Variants in STAG1 observed in about 807,000 individuals in gnomAD.
STAG1 encodes the protein cohesin subunit SA-1.
In STAG1, 26 loss-of-function variants were observed where a neutral mutation model predicts 170.9. The observed-to-expected ratio is 0.15, with a 90% CI of 0.11 to 0.21. STAG1 has a LOEUF of 0.21. Ranked by LOEUF, STAG1 falls within the 10% of genes least tolerant of loss-of-function variation. The probability of loss-of-function intolerance (pLI) is 1.00; values close to 1 mark genes in which losing one functional copy is unlikely to be tolerated. For synonymous variants in STAG1, 514 were observed against 497.7 expected (o/e 1.03, Z -0.44); for missense variants, 964 against 1,509.5 (o/e 0.64, Z 5.99).
At chr3:136,441,361 T>C (rs993000651) in intron 15 of STAG1, among the ~76,000 whole-genome samples, 1 of 152,134 alleles carries the variant, frequency 6.6e-6, no homozygotes, top group Admixed American at 6.6e-5. Flanking sequence ...AAGGATATCA[T>C]GGAGTGAAAG....
Position 136,527,642 on chromosome 3 carries a change from T to C in STAG1, c.472-6225A>G, listed in dbSNP as rs943968519. Among the ~76,000 whole-genome samples, 6 of 152,190 alleles carry C rather than the reference T, an allele frequency of 3.9e-5. No individual in the cohort carries two copies. The South Asian group carries it at 1.0e-3, about 26-fold the overall frequency. On this transcript the variant is annotated intron_variant, in intron 6 of 33. Transcript: ENST00000383202. ...GTTACTGACGAGGAGCTGTGTTCCT[T>C]TGGAGGGGGAGAGGCAATCTGATTT...
Position 136,464,928 on chromosome 3 carries a change from C to A in STAG1, c.1266G>T (p.Ser422=). 1.2e-6 allele frequency: 2 copies of A among 1,612,664 alleles called. No individual in the cohort carries two copies. The highest frequency in any genetic ancestry group is 1.7e-6 in the Non-Finnish European group (2 of 1,179,426). Reference sequence around the variant, plus strand: ...CTGCCACAGCAACAGGGCGATGTGCCGAGTACACCAAGTGGTAAACATTTT... The same window carrying A: ...CTGCCACAGCAACAGGGCGATGTGCAGAGTACACCAAGTGGTAAACATTTT... The part of the protein sequence containing the change: ...DCENVYHLVY[S]AHRPVAVAAG... Residue 422 remains serine (S), a synonymous_variant, in exon 13 of 34, where the codon TCG becomes TCT. Transcript: ENST00000383202.
intron 1 of STAG1, among the ~76,000 whole-genome samples, chr3:136,700,768 GA>G (rs1334465972): frequency 1.3e-5 from 2 of 150,640 alleles, no homozygotes; most frequent in Non-Finnish European, 2.9e-5. Context: ...CTGAAAATAT[GA>G]ATCAACGATC....
intron 15 of STAG1, among the ~76,000 whole-genome samples, chr3:136,442,459 A>G (rs1261103119): frequency 1.3e-5 from 2 of 152,244 alleles, no homozygotes; most frequent in African/African-American, 4.8e-5. Flanking sequence ...TTTGCTGTGC[A>G]TATTATTAAG....
chr3:136,375,918 G>A (rs1299794468), intron 23 of STAG1, among the ~76,000 whole-genome samples: 43 of 150,626 alleles, frequency 2.9e-4, no homozygotes, highest in Middle Eastern at 3.4e-3. Context: ...GCAGTGAGCC[G>A]AGATCACGCC....
chr3:136,630,366 A>G (rs753077831), intron 2 of STAG1, among the ~76,000 whole-genome samples: 1 of 150,648 alleles, frequency 6.6e-6, no homozygotes, highest in Non-Finnish European at 1.5e-5. Context: ...ATAATAAAAG[A>G]GCTGGAAGTG....
chr3:136,700,439 G>C (rs1025950259), intron 1 of STAG1, among the ~76,000 whole-genome samples: 5 of 144,432 alleles, frequency 3.5e-5, no homozygotes, highest in Non-Finnish European at 7.5e-5. Context: ...TTTTATTTGA[G>C]ACAGAATTTC....
At chr3:136,548,330 T>C (rs1206142785) in intron 5 of STAG1, among the ~76,000 whole-genome samples, 1 of 152,080 alleles carries the variant, frequency 6.6e-6, no homozygotes, top group Non-Finnish European at 1.5e-5. Context: ...CCCAGGCTGG[T>C]CTCAAACTCA....
chr3:136,490,265 T>C (rs2090099047), intron 9 of STAG1, among the ~76,000 whole-genome samples: 1 of 152,158 alleles, frequency 6.6e-6, no homozygotes, highest in Non-Finnish European at 1.5e-5. Flanking sequence ...GGTCTCGAAC[T>C]CCTGACCTCA....
intron 5 of STAG1, among the ~76,000 whole-genome samples, chr3:136,551,597 T>G (rs1326893697): frequency 6.6e-6 from 1 of 150,554 alleles, no homozygotes; most frequent in South Asian, 2.1e-4. Flanking sequence ...AATTTCTGAA[T>G]AGTTCATGTG....
chr3:136,676,883 C>T (rs1942143467), intron 1 of STAG1, among the ~76,000 whole-genome samples: 1 of 151,540 alleles, frequency 6.6e-6, no homozygotes, highest in African/African-American at 2.4e-5. Flanking sequence ...TTAAACTGTG[C>T]CTTAAAAACT....
At chr3:136,487,839 A>T (rs2090047518) in intron 9 of STAG1, among the ~76,000 whole-genome samples, 2 of 152,202 alleles carry the variant, frequency 1.3e-5, no homozygotes, top group Non-Finnish European at 2.9e-5. Context: ...CCTGAGGCTA[A>T]GTGACTGTTT....
chr3:136,418,360 C>CAAAAAAAAAAAAAAAAAAAAA (rs767401141), intron 20 of STAG1, among the ~76,000 whole-genome samples: 5 of 49,762 alleles, frequency 1.0e-4, no homozygotes, highest in South Asian at 8.0e-4. Flanking sequence ...ACTCTGTCTC[C>CAAAAAAAAAAAAAAAAAAAAA]AAAAAAAAAA....
intron 22 of STAG1, among the ~76,000 whole-genome samples, chr3:136,384,630 C>T (rs1017308196): frequency 2.0e-5 from 3 of 151,870 alleles, no homozygotes; most frequent in African/African-American, 7.3e-5. Flanking sequence ...ATTAGCCAGA[C>T]GTGATGGCAT....
rs376277487 is a variant in STAG1 at position 136,748,458 on chromosome 3, G to A, written c.-84+3737C>T. 6.5e-4 allele frequency among the ~76,000 whole-genome samples: 99 copies of A among 151,800 alleles called. 1 individual carries two copies. The South Asian group carries it at 0.019, about 30-fold the overall frequency. ...GTCACCCAGGCTGGAGTGCAGTGGCGTGATCCCAGCTCACTGCAAGCTCCG... is the reference window on the plus strand; with the variant it reads ...GTCACCCAGGCTGGAGTGCAGTGGCATGATCCCAGCTCACTGCAAGCTCCG... On this transcript the variant is annotated intron_variant, in intron 1 of 33. Transcript: ENST00000383202.
intron 1 of STAG1, among the ~76,000 whole-genome samples, chr3:136,671,325 G>A (rs1008054986): frequency 6.6e-5 from 10 of 151,796 alleles, no homozygotes; most frequent in Admixed American, 2.0e-4. Flanking sequence ...AAAATCATAC[G>A]TGCCATATAG....
In STAG1 at chr3:136,338,387, T is replaced by C. The variant is rs1339149421; in HGVS notation, c.3736A>G (p.Ile1246Val). The C allele has an allele frequency of 2.5e-6, 4 of 1,613,378 alleles. No individual in the cohort carries two copies. The highest frequency in any genetic ancestry group is 3.4e-6 in the Non-Finnish European group (4 of 1,179,418). ...LRPDFFDSAAIIEDDSGFGMP... is the reference protein window; with the variant it reads ...LRPDFFDSAAVIEDDSGFGMP... Reference sequence around the variant, plus strand: ...ACATTTACTGAATCATCTTCTATGATAGCTGCAGAGTCAAAGAAGTCTGGC... The same window carrying C: ...ACATTTACTGAATCATCTTCTATGACAGCTGCAGAGTCAAAGAAGTCTGGC... Residue 1246 changes from isoleucine (I) to valine (V), a missense_variant, in exon 33 of 34, where the codon ATC (isoleucine) becomes GTC (valine). By Grantham distance (29) the Ile-to-Val change is conservative. Around this residue, in one of 11 missense-constraint regions of STAG1, gnomAD observed 59 missense variants for 104.2 expected, o/e 0.57. Transcript: ENST00000383202.
At chr3:136,695,449 A>G (rs1053025814) in intron 1 of STAG1, among the ~76,000 whole-genome samples, 11 of 152,070 alleles carry the variant, frequency 7.2e-5, no homozygotes, top group South Asian at 6.2e-4. Context: ...AAAAAAAAAA[A>G]AGAGAGAGAC....
intron 1 of STAG1, among the ~76,000 whole-genome samples, chr3:136,676,484 T>C (rs1327150934): frequency 6.6e-6 from 1 of 152,184 alleles, no homozygotes; most frequent in Non-Finnish European, 1.5e-5. Flanking sequence ...TCTTGTTCTG[T>C]CACCCAGCTA....
Sources: gnomAD v4.1 joint callset for allele counts (sites outside exome capture counted in the v4.1 genomes callset) on GRCh38, gnomAD v4.1.1 for gene constraint, gnomAD v4.1.1 regional missense constraint, MANE v1.5 for transcripts, NCBI Gene and HGNC (gene_info 2026-07-23, HGNC 2026-07-21) for gene names.